The following KCNU1 variants were observed in gnomAD, a reference collection of about 807,000 sequenced individuals.
KCNU1 encodes the protein potassium channel subfamily U member 1.
KCNU1 carries 93 observed loss-of-function variants against 126.8 expected under a neutral mutation model. The ratio of observed to expected loss-of-function variants is 0.73; its 90% CI spans 0.62 to 0.87. KCNU1 has a LOEUF of 0.87. Ranked by LOEUF, KCNU1 falls within the 40% of genes least tolerant of loss-of-function variation. The pLI, the probability that KCNU1 is intolerant of heterozygous loss-of-function variation, is 0.00. For synonymous variants in KCNU1, 523 were observed against 494.2 expected, an observed-to-expected ratio of 1.06 and a Z score of -0.77; for missense variants, 1,330 against 1,367.1, an observed-to-expected ratio of 0.97 and a Z score of 0.43.
intron 18 of KCNU1, among the ~76,000 whole-genome samples, chr8:36,852,664 A>T (rs897295075): frequency 6.6e-6 from 1 of 152,140 alleles, no homozygotes; most frequent in African/African-American, 2.4e-5. Flanking sequence ...GTATGAGTAT[A>T]CATCTGATCA....
At chr8:36,798,663 C>T (rs1227483650) in intron 2 of KCNU1, among the ~76,000 whole-genome samples, 1 of 152,128 alleles carries the variant, frequency 6.6e-6, no homozygotes, top group African/African-American at 2.4e-5. Context: ...TCTATCAATC[C>T]CAGGTCTCCA....
chr8:36,893,867 C>T (rs1807075884), intron 19 of KCNU1, among the ~76,000 whole-genome samples: 1 of 151,940 alleles, frequency 6.6e-6, no homozygotes, highest in Non-Finnish European at 1.5e-5. Context: ...GAAGAATGTC[C>T]CTTGTAGTTA....
At chr8:36,860,163 C>A (rs919720953) in intron 18 of KCNU1, among the ~76,000 whole-genome samples, 1 of 152,044 alleles carries the variant, frequency 6.6e-6, no homozygotes, top group Admixed American at 6.5e-5. Context: ...CTGCAGTCTC[C>A]GCCTTCGAGG....
chr8:36,806,233 T>C (rs1803497357), intron 4 of KCNU1, 36 bp from the exon 5 acceptor site: 1 of 1,354,166 alleles, frequency 7.4e-7, no homozygotes, highest in South Asian at 1.3e-5. Context: ...TTCTTGAGGG[T>C]AACAGAATTT....
rs577552726 is a variant in KCNU1, at chr8:36,811,397, G to T, written c.732+2604G>T. On this transcript the variant is annotated intron_variant, in intron 7 of 26. Transcript: ENST00000399881. ...CAGAACAAAACAGGGTCTATACAGG[G>T]GGGAACCAATGAGACTAGCTTCAAG... Among the ~76,000 whole-genome samples the T allele has an allele frequency of 3.9e-5, 6 of 152,204 alleles. No homozygotes were observed. In the South Asian group the frequency reaches 1.2e-3, roughly 32 times the overall value.
chr8:36,857,649 TTTG>T (rs527322703), intron 18 of KCNU1, among the ~76,000 whole-genome samples: 156 of 152,224 alleles, frequency 1.0e-3, no homozygotes, highest in African/African-American at 2.5e-3. Flanking sequence ...TGTTTTTGTT[TTTG>T]TTGTTGTTGT....
rs576131581 is a variant in KCNU1 at position 36,922,756 on chromosome 8, C to T, written c.2736+127C>T. On this transcript the variant is annotated intron_variant, in intron 24 of 26. Transcript: ENST00000399881. ...GTTCTCTTTGATTTTCAAAAACAAGCTTGTTCCCATACATTAATTTATCTT... is the reference window on the plus strand; with the variant it reads ...GTTCTCTTTGATTTTCAAAAACAAGTTTGTTCCCATACATTAATTTATCTT... The T allele has an allele frequency of 1.6e-4, 154 of 977,656 alleles. No homozygotes were observed. In the African/African-American group the frequency reaches 2.4e-3, roughly 15 times the overall value. The allele number at this position is 977,656 out of a possible 1,614,324, so 60.6% of individuals were successfully genotyped here.
chr8:36,864,558 T>C, intron 19 of KCNU1, 37 bp downstream of exon 19: 1 of 1,223,162 alleles, frequency 8.2e-7, no homozygotes, highest in Non-Finnish European at 1.2e-6. Flanking sequence ...CCTATAGTTT[T>C]TTTGAGAATC....
chr8:36,919,673 G>A (rs1808268183), intron 23 of KCNU1, among the ~76,000 whole-genome samples: 1 of 152,194 alleles, frequency 6.6e-6, no homozygotes. Context: ...CAGGCAAGAG[G>A]AGAACGGTGC....
chr8:36,832,306 G>T (rs1804583046), intron 10 of KCNU1, among the ~76,000 whole-genome samples: 1 of 152,156 alleles, frequency 6.6e-6, no homozygotes. Flanking sequence ...GAAAGTCATT[G>T]GTAGCTTGAT....
At chr8:36,830,133 C>T (rs1804477615) in intron 10 of KCNU1, among the ~76,000 whole-genome samples, 2 of 149,454 alleles carry the variant, frequency 1.3e-5, no homozygotes, top group Non-Finnish European at 1.5e-5. Flanking sequence ...ATTTGTAAAT[C>T]TTTATAAATA....
At chr8:36,912,745 G>A (rs1033843171) in intron 22 of KCNU1, among the ~76,000 whole-genome samples, 1 of 151,974 alleles carries the variant, frequency 6.6e-6, no homozygotes, top group Non-Finnish European at 1.5e-5. Flanking sequence ...GCCGAGGTGG[G>A]GGGATCACAA....
At chr8:36,873,169 G>C (rs1485947915) in intron 19 of KCNU1, among the ~76,000 whole-genome samples, 1 of 152,162 alleles carries the variant, frequency 6.6e-6, no homozygotes, top group African/African-American at 2.4e-5. Flanking sequence ...CTCACCTTTA[G>C]TAATAAGAGA....
At chr8:36,838,290 A>G (rs1804827016) in intron 14 of KCNU1, among the ~76,000 whole-genome samples, 1 of 152,232 alleles carries the variant, frequency 6.6e-6, no homozygotes, top group African/African-American at 2.4e-5. Flanking sequence ...ATGGCTGGAG[A>G]AAGTAAATGG....
Position 36,787,433 on chromosome 8 carries a change from C to T in KCNU1, c.315+8C>T, listed in dbSNP as rs1410635465. On this transcript the variant is annotated splice_region_variant and intron_variant, in intron 2 of 26. Transcript: ENST00000399881. ...TTTGTGGGGCAAGTGTTGGTAAGTA[C>T]ATTTTCAGTGTTAGCTTGCTAACAA... is the stretch of plus-strand genomic sequence containing the variant. 1 of 1,601,712 alleles carries T rather than the reference C, an allele frequency of 6.2e-7. No homozygotes were observed. The highest frequency in any genetic ancestry group is 1.7e-5 in the Admixed American group (1 of 58,536).
intron 18 of KCNU1, among the ~76,000 whole-genome samples, chr8:36,849,989 C>T (rs1454260609): frequency 6.6e-6 from 1 of 152,162 alleles, no homozygotes; most frequent in Non-Finnish European, 1.5e-5. Flanking sequence ...CCTACACTTA[C>T]TTTTCATTTA....
In KCNU1 at chr8:36,935,940, G is replaced by A. The variant is rs113685219; in HGVS notation, c.*20G>A. On this transcript the variant is annotated 3_prime_UTR_variant, in exon 27 of 27. Transcript: ENST00000399881. ...CTATAGACCTGCCCATATTCTTCACGTGCTCTTAACTTGCTGCTTACAAAT... is the reference window on the plus strand; with the variant it reads ...CTATAGACCTGCCCATATTCTTCACATGCTCTTAACTTGCTGCTTACAAAT... 4.8e-5 allele frequency: 73 copies of A among 1,525,332 alleles called. No individual in the cohort carries two copies. The highest frequency in any genetic ancestry group is 3.8e-4 in the African/African-American group (27 of 71,986). The allele number at this position is 1,525,332 out of a possible 1,614,324, so 94.5% of individuals were successfully genotyped here. A position where few individuals can be genotyped will look rare whatever the true frequency, so the allele number is the denominator to read the frequency against.
chr8:36,793,681 G>A (rs1189413974), intron 2 of KCNU1, among the ~76,000 whole-genome samples: 2 of 152,168 alleles, frequency 1.3e-5, no homozygotes, highest in Non-Finnish European at 2.9e-5. Context: ...GACATTTTAT[G>A]TTGTAACTAG....
chr8:36,804,452 G>A (rs150492107), intron 3 of KCNU1, among the ~76,000 whole-genome samples: 334 of 152,248 alleles, frequency 2.2e-3, no homozygotes, highest in Non-Finnish European at 2.8e-3. Context: ...GAGCAGAAAC[G>A]CTGTCGTAGT....
Sources: gnomAD v4.1 joint callset for allele counts (sites outside exome capture counted in the v4.1 genomes callset) on GRCh38, gnomAD v4.1.1 for gene constraint, MANE v1.5 for transcripts, NCBI Gene and HGNC (gene_info 2026-07-23, HGNC 2026-07-21) for gene names.